WWC2: variants seen among roughly 807,000 people sequenced by gnomAD.
The protein encoded by WWC2 is WW and C2 domain containing 2.
Under a neutral mutation model 138.5 loss-of-function variants are expected in WWC2, and 101 were observed. That is an observed-to-expected ratio of 0.73 (90% CI 0.62 to 0.86). WWC2 has a LOEUF of 0.86. Ranked by LOEUF, WWC2 falls within the 40% of genes least tolerant of loss-of-function variation. The pLI is 0.00. For missense variants in WWC2, 1,420 were observed against 1,419.4 expected (o/e 1.00, Z -0.01); for synonymous variants, 558 against 538.4 (o/e 1.04, Z -0.50).
At chr4:183,113,718 G>A (rs547921052) in intron 1 of WWC2, among the ~76,000 whole-genome samples, 44 of 151,042 alleles carry the variant, frequency 2.9e-4, no homozygotes, top group Admixed American at 6.6e-4. Flanking sequence ...TCTTTTTAAA[G>A]ATCTTATTTT....
At chr4:183,230,162 A>C (rs1200474642) in intron 4 of WWC2, among the ~76,000 whole-genome samples, 1 of 151,998 alleles carries the variant, frequency 6.6e-6, no homozygotes, top group African/African-American at 2.4e-5. Context: ...GGGTCTCGCT[A>C]CGGTACCTAG....
chr4:183,169,089 C>T (rs1580007472), intron 1 of WWC2, among the ~76,000 whole-genome samples: 1 of 152,174 alleles, frequency 6.6e-6, no homozygotes, highest in East Asian at 1.9e-4. Context: ...CGCAGATGAT[C>T]TGCCCGCCTT....
intron 1 of WWC2, among the ~76,000 whole-genome samples, chr4:183,107,466 T>TA (rs1314972173): frequency 2.6e-5 from 4 of 152,172 alleles, no homozygotes; most frequent in Non-Finnish European, 1.5e-5. Flanking sequence ...TTCTTTTTTT[T>TA]AAAAAGTTAT....
intron 10 of WWC2, among the ~76,000 whole-genome samples, 181 bp downstream of exon 10, chr4:183,259,909 T>A (rs2111354645): frequency 6.6e-6 from 1 of 152,364 alleles, no homozygotes; most frequent in Non-Finnish European, 1.5e-5. Flanking sequence ...AGTGTCATAT[T>A]TGGAATACAT....
intron 1 of WWC2, among the ~76,000 whole-genome samples, chr4:183,122,101 C>T (rs1315008050): frequency 6.6e-6 from 1 of 151,900 alleles, no homozygotes; most frequent in African/African-American, 2.4e-5. Context: ...CATTTTTTTT[C>T]TGTGAACTAG....
At chr4:183,308,551 A>G (rs1218994601) in intron 21 of WWC2, among the ~76,000 whole-genome samples, 1 of 152,132 alleles carries the variant, frequency 6.6e-6, no homozygotes, top group East Asian at 1.9e-4. Flanking sequence ...AAATAGATTG[A>G]CCCACTTAAA....
chr4:183,315,000 A>G (rs1237639886), intron 22 of WWC2, among the ~76,000 whole-genome samples: 1 of 152,242 alleles, frequency 6.6e-6, no homozygotes, highest in African/African-American at 2.4e-5. Flanking sequence ...TGCCCCTTGC[A>G]TGTAATATGC....
At chr4:183,240,375 A>ACC in intron 5 of WWC2, 113 bp downstream of exon 5, 1 of 753,634 alleles carries the variant, frequency 1.3e-6, no homozygotes, top group Non-Finnish European at 1.9e-6. Flanking sequence ...CGTAAAGTAA[A>ACC]AAAGTTCAGA....
intron 1 of WWC2, among the ~76,000 whole-genome samples, chr4:183,130,873 A>G (rs1266142986): frequency 6.6e-6 from 1 of 152,202 alleles, no homozygotes; most frequent in Non-Finnish European, 1.5e-5. Flanking sequence ...CTCAAAATGT[A>G]CTATTTAAAT....
At chr4:183,133,027 T>TACCCC (rs2111075984) in intron 1 of WWC2, among the ~76,000 whole-genome samples, 4 of 140,010 alleles carry the variant, frequency 2.9e-5, no homozygotes, top group East Asian at 2.0e-4. Context: ...CCTTCCCTTT[T>TACCCC]TTTCCTTTTC....
chr4:183,196,275 C>A (rs1031320908), intron 2 of WWC2, among the ~76,000 whole-genome samples: 10 of 152,116 alleles, frequency 6.6e-5, no homozygotes, highest in African/African-American at 2.4e-4. Context: ...CTAATACACC[C>A]TACAAACTAT....
chr4:183,107,155 T>G lies in WWC2; in HGVS notation c.131+7533T>G, dbSNP rs138418837. ...TTCTCTTCTCTTCTCTCTTTTCTTT[T>G]TTTCTTTTCTTTCTTCTTTTGAGAC... On this transcript the variant is annotated intron_variant, in intron 1 of 22. Transcript: ENST00000403733. 8.9e-4 allele frequency among the ~76,000 whole-genome samples: 135 copies of G among 152,254 alleles called. No homozygotes were observed. The East Asian group carries it at 0.02, about 23-fold the overall frequency.
chr4:183,179,803 C>T (rs543058711), intron 1 of WWC2, among the ~76,000 whole-genome samples: 15 of 152,136 alleles, frequency 9.9e-5, no homozygotes, highest in African/African-American at 3.6e-4. Context: ...AAGGAAACGT[C>T]TCTCTGGAAA....
chr4:183,265,041 T>C lies in WWC2; in HGVS notation c.1973T>C (p.Val658Ala). The C allele has an allele frequency of 1.9e-6, 3 of 1,613,788 alleles. No homozygotes were observed. Among genetic ancestry groups the C allele is most frequent in the Non-Finnish European group, 2.5e-6 (3 of 1,179,764 alleles). The change falls in exon 12 of 23, where the codon GTG becomes GCG. Residue 658 changes from valine (V) to alanine (A), a missense_variant. Transcript: ENST00000403733. Reference sequence around the variant, plus strand: ...TTGCTTGGGGAGAAAACCACTTGTGTGTCGGCTGCTGTGTCTGATGAGTCT... The same window carrying C: ...TTGCTTGGGGAGAAAACCACTTGTGCGTCGGCTGCTGTGTCTGATGAGTCT... ...IHLLGEKTTC[V>A]SAAVSDESVA... is the part of the protein sequence containing the mutation.
intron 17 of WWC2, among the ~76,000 whole-genome samples, chr4:183,282,430 A>T (rs112618281): frequency 1.3e-5 from 2 of 152,186 alleles, no homozygotes; most frequent in Admixed American, 6.5e-5. Flanking sequence ...CTATAATGTG[A>T]TTTTCAGAAT....
chr4:183,229,982 A>G (rs1249443646), intron 4 of WWC2, among the ~76,000 whole-genome samples: 1 of 151,978 alleles, frequency 6.6e-6, no homozygotes, highest in Non-Finnish European at 1.5e-5. Flanking sequence ...ACTCCATCAC[A>G]ACCTGGTAAA....
At chr4:183,212,905 C>T (rs532289245) in intron 4 of WWC2, among the ~76,000 whole-genome samples, 83 of 152,044 alleles carry the variant, frequency 5.5e-4, no homozygotes, top group African/African-American at 1.9e-3. Flanking sequence ...TATATTATAA[C>T]GTATAATATA....
At chr4:183,237,865 CT>C (rs1023213650) in intron 4 of WWC2, among the ~76,000 whole-genome samples, 1 of 151,198 alleles carries the variant, frequency 6.6e-6, no homozygotes, top group Non-Finnish European at 1.5e-5. Flanking sequence ...CGAGGATGCC[CT>C]TTTTTTTTCC....
chr4:183,141,121 T>G (rs1054514364), intron 1 of WWC2, among the ~76,000 whole-genome samples: 7 of 152,320 alleles, frequency 4.6e-5, no homozygotes, highest in Middle Eastern at 6.8e-3. Flanking sequence ...CTCCAGGTAT[T>G]AGTCAGCTCA....
Sources: gnomAD v4.1 joint callset for allele counts (sites outside exome capture counted in the v4.1 genomes callset) on GRCh38, gnomAD v4.1.1 for gene constraint, MANE v1.5 for transcripts, NCBI Gene and HGNC (gene_info 2026-07-23, HGNC 2026-07-21) for gene names.